The following NUBPL variants were observed in gnomAD, a reference collection of about 807,000 sequenced individuals.
NUBPL encodes NUBP iron-sulfur cluster assembly factor, mitochondrial, also known as iron-sulfur cluster transfer protein NUBPL.
A neutral mutation model predicts 45.7 loss-of-function variants in NUBPL; 31 were observed. The ratio of observed to expected loss-of-function variants is 0.68; its 90% CI spans 0.51 to 0.92. NUBPL has a LOEUF of 0.92. NUBPL is among the 40% of genes least tolerant of loss of function. NUBPL has a pLI of 0.00. For synonymous variants in NUBPL, 144 were observed against 140.9 expected, an observed-to-expected ratio of 1.02 and a Z score of -0.15; for missense variants, 401 against 398.7, an observed-to-expected ratio of 1.01 and a Z score of -0.05.
At chr14:31,836,988 A>C (rs1411473729) in intron 8 of NUBPL, among the ~76,000 whole-genome samples, 17 of 152,246 alleles carry the variant, frequency 1.1e-4, no homozygotes, top group Admixed American at 1.1e-3. Context: ...TTCAATTAAA[A>C]GCACAGAAAC....
chr14:31,566,901 T>C (rs2033450459), intron 3 of NUBPL, among the ~76,000 whole-genome samples: 1 of 152,098 alleles, frequency 6.6e-6, no homozygotes, highest in Non-Finnish European at 1.5e-5. Context: ...GCAAAGAAAT[T>C]GATTTTTCCC....
At chr14:31,636,841 T>G (rs1392040781) in intron 4 of NUBPL, among the ~76,000 whole-genome samples, 2 of 152,350 alleles carry the variant, frequency 1.3e-5, no homozygotes, top group Middle Eastern at 3.4e-3. Context: ...GTCGAGGAAT[T>G]TATCCATTTC....
chr14:31,574,714 C>T (rs376501815), intron 3 of NUBPL, among the ~76,000 whole-genome samples: 24 of 150,324 alleles, frequency 1.6e-4, no homozygotes, highest in African/African-American at 5.1e-4. Context: ...CTCAGCCTTC[C>T]GAGTAGCTGG....
intron 6 of NUBPL, among the ~76,000 whole-genome samples, chr14:31,691,372 G>T (rs765172107): frequency 3.9e-5 from 6 of 152,166 alleles, no homozygotes; most frequent in Non-Finnish European, 8.8e-5. Flanking sequence ...GGTAATGACT[G>T]ACTATGCTAT....
chr14:31,826,822 T>G lies in NUBPL; in HGVS notation c.693+108T>G, dbSNP rs187073147. 9.1e-5 allele frequency: 88 copies of G among 965,038 alleles called. No homozygotes were observed. In the African/African-American group the frequency reaches 1.2e-3, roughly 13 times the overall value. The allele number at this position is 965,038 out of a possible 1,614,324, so 59.8% of individuals were successfully genotyped here. On this transcript the variant is annotated intron_variant, in intron 8 of 10. Transcript: ENST00000281081. ...TTAATTTAGTCCTGTACAGAAGTCTTTATGAAAGTCCTAGTTTATCATTTT... is the reference window on the plus strand; with the variant it reads ...TTAATTTAGTCCTGTACAGAAGTCTGTATGAAAGTCCTAGTTTATCATTTT...
intron 3 of NUBPL, among the ~76,000 whole-genome samples, chr14:31,593,763 A>G (rs2034210614): frequency 6.6e-6 from 1 of 152,128 alleles, no homozygotes; most frequent in Admixed American, 6.6e-5. Context: ...TCAAGACTTA[A>G]AGGAAGTGAG....
chr14:31,635,962 G>A (rs2035484002), intron 4 of NUBPL, among the ~76,000 whole-genome samples: 1 of 152,216 alleles, frequency 6.6e-6, no homozygotes, highest in African/African-American at 2.4e-5. Flanking sequence ...CTTTGCTGAA[G>A]TTACTTATCA....
chr14:31,799,776 C>A (rs1417218572), intron 7 of NUBPL, among the ~76,000 whole-genome samples: 2 of 152,178 alleles, frequency 1.3e-5, no homozygotes, highest in Non-Finnish European at 2.9e-5. Context: ...ACTGAGTGAT[C>A]AGGGTGGCAG....
chr14:31,574,683 C>T (rs893834171), intron 3 of NUBPL, among the ~76,000 whole-genome samples: 16 of 149,626 alleles, frequency 1.1e-4, no homozygotes, highest in Admixed American at 6.7e-4. Context: ...CTTTGCCTCC[C>T]GGGTTCAAGT....
rs544901744 is a variant in NUBPL at position 31,849,467 on chromosome 14, G to A, written c.815-652G>A. ...AAATTCCACTGCCTAATAGTAATGTGTCCTCAAGAAAACACACCTCTCCCA... is the reference window on the plus strand; with the variant it reads ...AAATTCCACTGCCTAATAGTAATGTATCCTCAAGAAAACACACCTCTCCCA... On this transcript the variant is annotated intron_variant, in intron 9 of 10. Coordinates refer to ENST00000281081, the MANE Select transcript of NUBPL (RefSeq NM_025152.3). Among the ~76,000 whole-genome samples, 18 of 152,178 alleles carry A rather than the reference G, an allele frequency of 1.2e-4. 1 individual carries two copies. The highest frequency in any genetic ancestry group is 4.1e-4 in the African/African-American group (17 of 41,534).
At chr14:31,691,258 C>T (rs912731606) in intron 6 of NUBPL, among the ~76,000 whole-genome samples, 5 of 152,186 alleles carry the variant, frequency 3.3e-5, no homozygotes, top group Admixed American at 2.0e-4. Flanking sequence ...GATCCACTTC[C>T]ACTTAATGAA....
At chr14:31,785,295 A>G (rs989059291) in intron 6 of NUBPL, among the ~76,000 whole-genome samples, 1 of 152,190 alleles carries the variant, frequency 6.6e-6, no homozygotes, top group African/African-American at 2.4e-5. Flanking sequence ...GGGGTTCCCA[A>G]CCCTTAGCCC....
At chr14:31,569,055 A>C (rs2033512310) in intron 3 of NUBPL, among the ~76,000 whole-genome samples, 1 of 152,222 alleles carries the variant, frequency 6.6e-6, no homozygotes, top group East Asian at 1.9e-4. Flanking sequence ...TGTATGCCCA[A>C]ATACCTTTTA....
At chr14:31,769,657 T>C (rs992490016) in intron 6 of NUBPL, among the ~76,000 whole-genome samples, 5 of 150,612 alleles carry the variant, frequency 3.3e-5, no homozygotes, top group African/African-American at 1.0e-4. Context: ...CCCTCTCCTT[T>C]TTTTTAAAAA....
At chr14:31,605,767 TCTC>T (rs1354866900) in intron 4 of NUBPL, among the ~76,000 whole-genome samples, 3 of 151,040 alleles carry the variant, frequency 2.0e-5, no homozygotes, top group Admixed American at 6.7e-5. Context: ...TCCTTCTCCT[TCTC>T]CTTCTTCTTC....
chr14:31,631,451 G>A (rs1052973899), intron 4 of NUBPL, among the ~76,000 whole-genome samples: 6 of 151,364 alleles, frequency 4.0e-5, no homozygotes, highest in African/African-American at 1.5e-4. Flanking sequence ...GGGTTCTCCA[G>A]GGAAATAGAA....
intron 3 of NUBPL, among the ~76,000 whole-genome samples, chr14:31,571,464 C>CTT (rs34423799): frequency 6.1e-5 from 9 of 147,302 alleles, no homozygotes; most frequent in Admixed American, 1.4e-4. Context: ...GTGTCTTCTT[C>CTT]TTTTTTTTTT....
At chr14:31,839,306 A>G (rs1305803993) in intron 8 of NUBPL, among the ~76,000 whole-genome samples, 2 of 152,178 alleles carry the variant, frequency 1.3e-5, no homozygotes, top group African/African-American at 4.8e-5. Flanking sequence ...GAGCCTAGAC[A>G]TCATATATTT....
intron 8 of NUBPL, among the ~76,000 whole-genome samples, chr14:31,833,956 G>A (rs1476362882): frequency 6.6e-6 from 1 of 152,146 alleles, no homozygotes; most frequent in Non-Finnish European, 1.5e-5. Flanking sequence ...TGAGCAGCTA[G>A]CAGTCTATAC....
Sources: gnomAD v4.1 joint callset for allele counts (sites outside exome capture counted in the v4.1 genomes callset) on GRCh38, gnomAD v4.1.1 for gene constraint, MANE v1.5 for transcripts, NCBI Gene and HGNC (gene_info 2026-07-23, HGNC 2026-07-21) for gene names.